ATRNL1: variants seen among roughly 807,000 people sequenced by gnomAD.
ATRNL1 encodes the protein attractin like 1.
In ATRNL1, 95 loss-of-function variants were observed where a neutral mutation model predicts 182.7. The ratio of observed to expected loss-of-function variants is 0.52; its 90% CI spans 0.44 to 0.62. ATRNL1 has a LOEUF of 0.62. Among genes scored for constraint, ATRNL1 ranks in the 20% least tolerant of loss-of-function variants. The pLI, the probability that ATRNL1 is intolerant of heterozygous loss-of-function variation, is 0.00. For missense variants in ATRNL1, 1,471 were observed against 1,679.5 expected (o/e 0.88, Z 2.17); for synonymous variants, 576 against 568.3 (o/e 1.01, Z -0.19).
At chr10:115,227,136 A>G (rs1849733282) in intron 9 of ATRNL1, among the ~76,000 whole-genome samples, 1 of 152,168 alleles carries the variant, frequency 6.6e-6, no homozygotes, top group African/African-American at 2.4e-5. Context: ...GCAAACAGAC[A>G]GCCTACAAAA....
intron 26 of ATRNL1, among the ~76,000 whole-genome samples, chr10:115,612,320 A>G (rs1482124186): frequency 2.0e-5 from 3 of 152,068 alleles, no homozygotes; most frequent in Non-Finnish European, 2.9e-5. Flanking sequence ...CAACAAACTC[A>G]CCATAATAAC....
chr10:115,300,379 CTTACTA>C lies in ATRNL1; in HGVS notation c.2629+136_2629+141del. The C allele has an allele frequency of 4.6e-6, 3 of 648,390 alleles. No individual in the cohort carries two copies. In the East Asian group the frequency reaches 8.7e-5, roughly 19 times the overall value. 40.2% of individuals were successfully genotyped at this position (648,390 alleles called of 1,614,324 possible). A position where few individuals can be genotyped will look rare whatever the true frequency, so the allele number is the denominator to read the frequency against. On this transcript the variant is annotated intron_variant, in intron 16 of 28. Transcript: ENST00000355044. ...TTATTTTTATACACATTCTTCCCCA[CTTACTA>C]TTAGTGATCTCAGCATTAACTTGTG...
rs114117313 is a variant in ATRNL1, at chr10:115,568,089, T to A, written c.3795+18553T>A. Among the ~76,000 whole-genome samples, 688 of 152,186 alleles carry A rather than the reference T, an allele frequency of 4.5e-3. 10 individuals carry two copies. Among genetic ancestry groups the A allele is most frequent in the African/African-American group, 0.016 (659 of 41,542 alleles). ...GACTTTGATGCTGAAAGCTGACAGTTAATGGTAACAGTGGAATAACGTTTT... is the reference window on the plus strand; with the variant it reads ...GACTTTGATGCTGAAAGCTGACAGTAAATGGTAACAGTGGAATAACGTTTT... On this transcript the variant is annotated intron_variant, in intron 26 of 28. Transcript: ENST00000355044.
At chr10:115,719,286 A>C (rs10885789) in intron 26 of ATRNL1, among the ~76,000 whole-genome samples, 70,703 of 151,906 alleles carry the variant, frequency 0.47, 17,299 homozygotes, top group East Asian at 0.78. Flanking sequence ...TGCCACATGA[A>C]GTACAGAACT....
intron 24 of ATRNL1, among the ~76,000 whole-genome samples, chr10:115,512,104 A>G (rs963618980): frequency 2.0e-5 from 3 of 151,960 alleles, no homozygotes; most frequent in Admixed American, 2.0e-4. Flanking sequence ...TGGGAATACC[A>G]CAGAACTAAA....
intron 20 of ATRNL1, among the ~76,000 whole-genome samples, chr10:115,419,284 G>C (rs1554961454): frequency 6.6e-6 from 1 of 151,886 alleles, no homozygotes; most frequent in East Asian, 1.9e-4. Context: ...AGCTATAATA[G>C]ATAACACTAA....
At chr10:115,512,935 G>C (rs558433361) in intron 24 of ATRNL1, among the ~76,000 whole-genome samples, 4 of 151,924 alleles carry the variant, frequency 2.6e-5, no homozygotes, top group Admixed American at 2.0e-4. Flanking sequence ...TAGAAACCAG[G>C]CTTGTCCAAC....
chr10:115,646,915 G>T (rs1273091362), intron 26 of ATRNL1, among the ~76,000 whole-genome samples: 2 of 149,902 alleles, frequency 1.3e-5, no homozygotes, highest in Admixed American at 6.6e-5. Context: ...TTTACATTAG[G>T]TATATCTCCT....
At chr10:115,406,599 C>T (rs552213002) in intron 20 of ATRNL1, among the ~76,000 whole-genome samples, 33 of 152,092 alleles carry the variant, frequency 2.2e-4, no homozygotes, top group African/African-American at 6.3e-4. Flanking sequence ...TAAAAAATTC[C>T]TTAGTTCTTA....
chr10:115,453,911 A>C (rs1847398706), intron 21 of ATRNL1, among the ~76,000 whole-genome samples: 1 of 151,972 alleles, frequency 6.6e-6, no homozygotes, highest in Non-Finnish European at 1.5e-5. Flanking sequence ...ACTAACCTGC[A>C]CATTGTGCAC....
chr10:115,472,775 A>C lies in ATRNL1; in HGVS notation c.3654+3446A>C, dbSNP rs1001473369. Among the ~76,000 whole-genome samples, 4 of 151,214 alleles carry C rather than the reference A, an allele frequency of 2.6e-5. No individual in the cohort carries two copies. In the South Asian group the frequency reaches 8.3e-4, roughly 31 times the overall value. On this transcript the variant is annotated intron_variant, in intron 24 of 28. Transcript: ENST00000355044. ...TCTAGGGTTTCTTGTGTATGAGAAC[A>C]TGTCATCTGCAAACAGAGACAGGTT...
intron 21 of ATRNL1, among the ~76,000 whole-genome samples, chr10:115,433,153 T>A (rs560652194): frequency 6.6e-6 from 1 of 152,194 alleles, no homozygotes; most frequent in East Asian, 1.9e-4. Context: ...TTAGAGTTCA[T>A]GGTGGAATTT....
intron 26 of ATRNL1, among the ~76,000 whole-genome samples, chr10:115,671,766 G>A (rs1443699156): frequency 2.0e-5 from 3 of 152,098 alleles, no homozygotes; most frequent in Admixed American, 1.3e-4. Context: ...TTTTTACGAA[G>A]TTTGTTTGTA....
chr10:115,779,125 C>A (rs1949201139), intron 27 of ATRNL1, among the ~76,000 whole-genome samples: 1 of 152,130 alleles, frequency 6.6e-6, no homozygotes, highest in African/African-American at 2.4e-5. Flanking sequence ...TAGGCCATTG[C>A]ATGGAAGCAG....
intron 19 of ATRNL1, among the ~76,000 whole-genome samples, chr10:115,382,768 C>G (rs1858096656): frequency 6.7e-6 from 1 of 150,218 alleles, no homozygotes; most frequent in East Asian, 2.0e-4. Context: ...GTGGCAAGAG[C>G]AGGCATCCAT....
intron 26 of ATRNL1, among the ~76,000 whole-genome samples, chr10:115,607,323 A>G (rs1856922930): frequency 6.6e-6 from 1 of 151,858 alleles, no homozygotes; most frequent in South Asian, 2.1e-4. Flanking sequence ...ATAACTTGAG[A>G]TAGACTCTAG....
chr10:115,790,268 A>G (rs1026183500), intron 27 of ATRNL1, among the ~76,000 whole-genome samples: 13 of 152,080 alleles, frequency 8.5e-5, no homozygotes, highest in East Asian at 3.9e-4. Context: ...AAAAAAAAAA[A>G]AAACTCTTAT....
intron 10 of ATRNL1, among the ~76,000 whole-genome samples, chr10:115,258,574 C>T (rs1210414861): frequency 3.3e-5 from 5 of 151,980 alleles, no homozygotes; most frequent in African/African-American, 4.8e-5. Flanking sequence ...TCCTTTAGCT[C>T]AGAGAATTTT....
intron 13 of ATRNL1, among the ~76,000 whole-genome samples, chr10:115,270,371 C>CTTT (rs1564868409): frequency 3.0e-5 from 4 of 134,110 alleles, no homozygotes; most frequent in Admixed American, 7.6e-5. Context: ...ATATATAAAT[C>CTTT]TATTATATAA....
Sources: gnomAD v4.1 joint callset for allele counts (sites outside exome capture counted in the v4.1 genomes callset) on GRCh38, gnomAD v4.1.1 for gene constraint, MANE v1.5 for transcripts, NCBI Gene and HGNC (gene_info 2026-07-23, HGNC 2026-07-21) for gene names.